MOB1B: variants seen among roughly 807,000 people sequenced by gnomAD.
MOB1B encodes the protein MOB kinase activator 1B, also known as MOB1 Mps One Binder homolog B.
In MOB1B, 19 loss-of-function variants were observed where a neutral mutation model predicts 24.4. The ratio of observed to expected loss-of-function variants is 0.78; its 90% CI spans 0.54 to 1.14. The LOEUF (loss-of-function observed/expected upper bound fraction) is 1.14, where lower values mean the gene tolerates loss of function less well. Among genes scored for constraint, MOB1B ranks in the 50% most tolerant of loss-of-function variants. MOB1B has a pLI of 0.00. For missense variants in MOB1B, 243 were observed against 259.6 expected (o/e 0.94, Z 0.44); for synonymous variants, 76 against 82.1 (o/e 0.93, Z 0.40).
chr4:70,964,871 A>G (rs1202628309), intron 2 of MOB1B, among the ~76,000 whole-genome samples: 1 of 151,736 alleles, frequency 6.6e-6, no homozygotes, highest in Non-Finnish European at 1.5e-5. Flanking sequence ...CAGAGCTTGT[A>G]GTGAGCTGAG....
intron 1 of MOB1B, among the ~76,000 whole-genome samples, chr4:70,914,631 G>A (rs1736125596): frequency 6.6e-6 from 1 of 152,140 alleles, no homozygotes; most frequent in African/African-American, 2.4e-5. Context: ...TATATTAAAC[G>A]AGTTCACATC....
intron 1 of MOB1B, among the ~76,000 whole-genome samples, chr4:70,955,081 C>A (rs573405554): frequency 2.0e-5 from 3 of 151,992 alleles, no homozygotes; most frequent in Non-Finnish European, 4.4e-5. Flanking sequence ...CCACTGTGCC[C>A]GGCCTAGATT....
intron 1 of MOB1B, among the ~76,000 whole-genome samples, chr4:70,922,794 A>G (rs995955287): frequency 1.3e-5 from 2 of 152,210 alleles, no homozygotes; most frequent in African/African-American, 2.4e-5. Flanking sequence ...TCTTACTTAT[A>G]AGCCAATTTT....
At chr4:70,949,723 A>G (rs1283412374) in intron 1 of MOB1B, among the ~76,000 whole-genome samples, 2 of 151,994 alleles carry the variant, frequency 1.3e-5, no homozygotes, top group African/African-American at 2.4e-5. Flanking sequence ...CTTCCTCTCT[A>G]TAAAAAAATA....
At chr4:70,959,137 A>C in intron 2 of MOB1B, 97 bp downstream of exon 2, 1 of 920,746 alleles carries the variant, frequency 1.1e-6, no homozygotes, top group Non-Finnish European at 1.7e-6. Context: ...TTTAGTTAGT[A>C]AGCTAATATC....
chr4:70,963,908 G>C (rs1042897569), intron 2 of MOB1B, among the ~76,000 whole-genome samples: 1 of 152,136 alleles, frequency 6.6e-6, no homozygotes, highest in South Asian at 2.1e-4. Context: ...TCTGAATGCT[G>C]CAAGACATAC....
chr4:70,973,774 C>T (rs1313774339), intron 3 of MOB1B, among the ~76,000 whole-genome samples: 1 of 152,196 alleles, frequency 6.6e-6, no homozygotes, highest in Non-Finnish European at 1.5e-5. Flanking sequence ...TATTGCCCCA[C>T]TTTTGGCAGT....
intron 1 of MOB1B, among the ~76,000 whole-genome samples, chr4:70,926,214 G>T (rs1167557489): frequency 6.6e-6 from 1 of 151,676 alleles, no homozygotes; most frequent in Non-Finnish European, 1.5e-5. Flanking sequence ...TGAACTCCTG[G>T]GCTCAAGCAG....
chr4:70,903,038 T>A (rs1365368657), intron 1 of MOB1B, among the ~76,000 whole-genome samples: 1 of 152,122 alleles, frequency 6.6e-6, no homozygotes, highest in Non-Finnish European at 1.5e-5. Flanking sequence ...ACTTCCTCTC[T>A]CGTCTTAGGG....
chr4:70,973,271 C>G (rs1738839811), intron 3 of MOB1B, among the ~76,000 whole-genome samples: 2 of 151,774 alleles, frequency 1.3e-5, no homozygotes, highest in Non-Finnish European at 1.5e-5. Context: ...GTTAAGATTT[C>G]TTAACATAAG....
chr4:70,918,005 C>A (rs892458046), intron 1 of MOB1B, among the ~76,000 whole-genome samples: 1 of 152,130 alleles, frequency 6.6e-6, no homozygotes, highest in Admixed American at 6.5e-5. Flanking sequence ...AACTTAATAA[C>A]CAAACTTAGA....
At chr4:70,970,087 C>T (rs191376995) in intron 3 of MOB1B, 63 bp downstream of exon 3, 7 of 1,005,492 alleles carry the variant, frequency 7.0e-6, no homozygotes, top group Middle Eastern at 2.2e-4. Context: ...TAAAGAAAAA[C>T]GAAGTTTCTG....
intron 2 of MOB1B, among the ~76,000 whole-genome samples, chr4:70,968,275 A>G (rs1366890474): frequency 1.3e-5 from 2 of 152,182 alleles, no homozygotes; most frequent in African/African-American, 2.4e-5. Context: ...CTTTTTGGGT[A>G]TGACATGAGT....
At chr4:70,980,166 C>G (rs1242963144) in intron 5 of MOB1B, among the ~76,000 whole-genome samples, 1 of 152,180 alleles carries the variant, frequency 6.6e-6, no homozygotes, top group South Asian at 2.1e-4. Flanking sequence ...GTACACACTC[C>G]TCACACTGAA....
chr4:70,904,054 C>T lies in MOB1B; in HGVS notation c.14+1504C>T, dbSNP rs1255741925. On this transcript the variant is annotated intron_variant, in intron 1 of 5. Coordinates refer to ENST00000309395, the MANE Select transcript of MOB1B (RefSeq NM_173468.4). ...GGAGTGTGTAGTGGCGTGATCTCGG[C>T]TCACTGCAACCTCTGCCTCCCGGGT... is the stretch of plus-strand genomic sequence containing the variant. 3.8e-5 allele frequency among the ~76,000 whole-genome samples: 5 copies of T among 132,890 alleles called. No homozygotes were observed. The East Asian group carries it at 7.5e-4, about 20-fold the overall frequency. 87.2% of individuals were successfully genotyped at this position (132,890 alleles called of 152,430 possible). A position where few individuals can be genotyped will look rare whatever the true frequency, so the allele number is the denominator to read the frequency against.
chr4:70,920,574 T>C (rs571249969), intron 1 of MOB1B, among the ~76,000 whole-genome samples: 1 of 152,314 alleles, frequency 6.6e-6, no homozygotes, highest in South Asian at 2.1e-4. Context: ...AGATAAACAG[T>C]GACTTTTACT....
At chr4:70,922,605 A>G (rs1736483970) in intron 1 of MOB1B, among the ~76,000 whole-genome samples, 1 of 152,240 alleles carries the variant, frequency 6.6e-6, no homozygotes, top group Non-Finnish European at 1.5e-5. Flanking sequence ...CCGAATTAAC[A>G]CTGACATTTA....
At chr4:70,909,764 C>T (rs1479873429) in intron 1 of MOB1B, among the ~76,000 whole-genome samples, 1 of 151,544 alleles carries the variant, frequency 6.6e-6, no homozygotes, top group Non-Finnish European at 1.5e-5. Flanking sequence ...TCTTGCTCTG[C>T]CACCCAGGCT....
At chr4:70,959,109 G>C (rs1738192565) in intron 2 of MOB1B, 69 bp downstream of exon 2, 7 of 1,311,100 alleles carry the variant, frequency 5.3e-6, no homozygotes, top group Non-Finnish European at 7.5e-6. Flanking sequence ...GTGAGTGTTG[G>C]TGCTGTCCAT....
Sources: allele counts gnomAD v4.1 joint callset (sites outside exome capture counted in the v4.1 genomes callset), GRCh38; gene constraint gnomAD v4.1.1; transcripts MANE v1.5; gene names NCBI Gene and HGNC (gene_info 2026-07-23, HGNC 2026-07-21).